The following SLC1A2 variants were observed in gnomAD, a reference collection of about 807,000 sequenced individuals.
SLC1A2 encodes the protein excitatory amino acid transporter 2.
In SLC1A2, 15 loss-of-function variants were observed where a neutral mutation model predicts 48.8. That is an observed-to-expected ratio of 0.31 (90% CI 0.21 to 0.47). SLC1A2 has a LOEUF of 0.47. Among genes scored for constraint, SLC1A2 ranks in the 20% least tolerant of loss-of-function variants. SLC1A2 has a pLI of 0.99. For synonymous variants in SLC1A2, 279 were observed against 272.6 expected (o/e 1.02, Z -0.23); for missense variants, 502 against 730.5 (o/e 0.69, Z 3.61).
At chr11:35,265,175 C>A (rs1950460632) in intron 10 of SLC1A2, 1 of 321,874 alleles carries the variant, frequency 3.1e-6, no homozygotes, top group Non-Finnish European at 5.6e-6. Flanking sequence ...GATCTCCTGA[C>A]CTCGTGATCT....
At position 35,333,166 on chromosome 11, in the gene SLC1A2, A is replaced by G. The variant is rs921160670; in HGVS notation, c.18-15650T>C. Among the ~76,000 whole-genome samples, 9 of 152,164 alleles carry G rather than the reference A, an allele frequency of 5.9e-5. No individual in the cohort carries two copies. The East Asian group carries it at 1.7e-3, about 29-fold the overall frequency. ...AGTGGCTCACACCTGTAATCCCAGC[A>G]ATTTGGGAGGCCAAGGTGGGTGGAT... is the stretch of plus-strand genomic sequence containing the variant. On this transcript the variant is annotated intron_variant, in intron 1 of 10. Transcript: ENST00000278379.
chr11:35,305,996 T>C (rs1591451040), intron 5 of SLC1A2, 78 bp downstream of exon 5: 3 of 1,350,740 alleles, frequency 2.2e-6, no homozygotes, highest in Non-Finnish European at 3.1e-6. Context: ...AGCTGAGTCA[T>C]CAGTTTTCTG....
chr11:35,405,055 C>CAGAACTCGCACTGTG (rs1555024245), intron 1 of SLC1A2, among the ~76,000 whole-genome samples: 6 of 151,184 alleles, frequency 4.0e-5, no homozygotes, highest in Admixed American at 4.0e-4. Context: ...CATCCAATCA[C>CAGAACTCGCACTGTG]AGGACTCGCA....
chr11:35,358,980 AC>A (rs960714199), intron 1 of SLC1A2, among the ~76,000 whole-genome samples: 3 of 152,222 alleles, frequency 2.0e-5, no homozygotes, highest in African/African-American at 7.2e-5. Flanking sequence ...ATTAAAAAAT[AC>A]CTTTTTCACC....
rs935946645 is a variant in SLC1A2 at position 35,260,741 on chromosome 11, A to C, written c.*153T>G. 3.2e-6 allele frequency: 2 copies of C among 632,642 alleles called. No individual in the cohort carries two copies. The highest frequency in any genetic ancestry group is 5.6e-6 in the Non-Finnish European group (2 of 355,364). The allele number at this position is 632,642 out of a possible 1,614,324, so 39.2% of individuals were successfully genotyped here. On this transcript the variant is annotated 3_prime_UTR_variant, in exon 11 of 11. Coordinates refer to ENST00000278379, the MANE Select transcript of SLC1A2 (RefSeq NM_004171.4). ...CACAGCACCGTGCCTGTCATCACTG[A>C]CTCACAAGAGCTCCTCTAAGCCTCG...
chr11:35,379,613 T>C (rs1247868428), intron 1 of SLC1A2, among the ~76,000 whole-genome samples: 1 of 152,230 alleles, frequency 6.6e-6, no homozygotes, highest in East Asian at 1.9e-4. Context: ...GAGAGACATT[T>C]GATCGCCTTT....
rs151323864 is a variant in SLC1A2 at position 35,287,661 on chromosome 11, C to A, written c.1092-710G>T. 2.0e-3 allele frequency among the ~76,000 whole-genome samples: 303 copies of A among 152,320 alleles called. 2 individuals carry two copies. Among genetic ancestry groups the A allele is most frequent in the African/African-American group, 6.6e-3 (273 of 41,572 alleles). ...AATATGAAGGGACTTCACCCCCACT[C>A]CTCCCAGGCCTGGGATGTGGATTCG... On this transcript the variant is annotated intron_variant, in intron 7 of 10. Transcript: ENST00000278379.
At chr11:35,265,949 T>C (rs1217342205) in intron 9 of SLC1A2, among the ~76,000 whole-genome samples, 191 bp from the exon 10 acceptor site, 2 of 152,220 alleles carry the variant, frequency 1.3e-5, no homozygotes, top group Admixed American at 1.3e-4. Flanking sequence ...GTGATGCTTA[T>C]ACTTCTCTCA....
chr11:35,264,225 A>G (rs368955807), intron 10 of SLC1A2: 18 of 152,254 alleles, frequency 1.2e-4, no homozygotes, highest in African/African-American at 4.1e-4. Flanking sequence ...GTGCTAGTCC[A>G]CTAGAATTCT....
intron 1 of SLC1A2, among the ~76,000 whole-genome samples, chr11:35,386,245 G>A (rs1854580698): frequency 6.6e-6 from 1 of 152,068 alleles, no homozygotes; most frequent in Admixed American, 6.5e-5. Context: ...CATGTTCCCT[G>A]CTATATTTCT....
chr11:35,329,849 T>A (rs761820942), intron 1 of SLC1A2, among the ~76,000 whole-genome samples: 2 of 152,218 alleles, frequency 1.3e-5, no homozygotes, highest in African/African-American at 2.4e-5. Context: ...TATTTTTCTA[T>A]CCTGTGGAGC....
intron 10 of SLC1A2, 57 bp downstream of exon 10, chr11:35,265,468 AAG>A: frequency 2.4e-6 from 2 of 846,356 alleles, no homozygotes; most frequent in Non-Finnish European, 1.9e-6. Flanking sequence ...TTTTTTTTTA[AAG>A]AAATCAAGCA....
At chr11:35,319,669 C>T (rs1851996878) in intron 1 of SLC1A2, among the ~76,000 whole-genome samples, 1 of 152,210 alleles carries the variant, frequency 6.6e-6, no homozygotes, top group Admixed American at 6.5e-5. Context: ...GGTTAGCATA[C>T]ACACCCAACC....
At chr11:35,360,801 A>G (rs1048408754) in intron 1 of SLC1A2, among the ~76,000 whole-genome samples, 1 of 152,138 alleles carries the variant, frequency 6.6e-6, no homozygotes, top group Non-Finnish European at 1.5e-5. Context: ...CATAAACCAT[A>G]ACACCATTTC....
intron 9 of SLC1A2, among the ~76,000 whole-genome samples, chr11:35,273,305 G>A (rs987999537): frequency 2.0e-5 from 3 of 152,190 alleles, no homozygotes; most frequent in Non-Finnish European, 4.4e-5. Context: ...CATGGGGTTA[G>A]GGAAGAAAAG....
At position 35,280,939 on chromosome 11, in the gene SLC1A2, A is replaced by G. The variant is rs1446884701; in HGVS notation, c.1349T>C (p.Met450Thr). The stretch of plus-strand genomic sequence containing the variant: ...GCCCACGGCTGTCAGAATGAGGAGC[A>G]TGGTGACCAGCCCGGCACTGGGGAT... ...ASIPSAGLVT[M>T]LLILTAVGLP... Residue 450 changes from methionine to threonine, a missense_variant, in exon 9 of 11, where the codon ATG becomes ACG. Met to Thr is a moderately conservative substitution (Grantham distance 81). Coordinates refer to ENST00000278379, the MANE Select transcript of SLC1A2 (RefSeq NM_004171.4). 6.2e-7 allele frequency: 1 copy of G among 1,613,378 alleles called. No individual in the cohort carries two copies. The highest frequency in any genetic ancestry group is 8.5e-7 in the Non-Finnish European group (1 of 1,179,808).
chr11:35,381,168 T>A (rs975951867), intron 1 of SLC1A2, among the ~76,000 whole-genome samples: 1 of 152,146 alleles, frequency 6.6e-6, no homozygotes, highest in East Asian at 1.9e-4. Flanking sequence ...ACCTTTTCCA[T>A]GTCATCCCAT....
chr11:35,284,541 T>C (rs1341449447), intron 8 of SLC1A2, among the ~76,000 whole-genome samples: 1 of 116,102 alleles, frequency 8.6e-6, no homozygotes, highest in East Asian at 3.0e-4. Context: ...CATGTTTTCA[T>C]ATTGTGTGTG....
At chr11:35,403,504 G>T (rs116796893) in intron 1 of SLC1A2, among the ~76,000 whole-genome samples, 1,861 of 152,318 alleles carry the variant, frequency 0.012, 42 homozygotes, top group African/African-American at 0.042. Flanking sequence ...CTGCCCTGTA[G>T]GACTGGCTAC....
Sources: gnomAD v4.1 joint callset for allele counts (sites outside exome capture counted in the v4.1 genomes callset) on GRCh38, gnomAD v4.1.1 for gene constraint, MANE v1.5 for transcripts, NCBI Gene and HGNC (gene_info 2026-07-23, HGNC 2026-07-21) for gene names.